Variants in SMURF1 observed in about 807,000 individuals in gnomAD.
SMURF1 encodes SMAD specific E3 ubiquitin protein ligase 1.
A neutral mutation model predicts 98.0 loss-of-function variants in SMURF1; 44 were observed. The observed-to-expected ratio is 0.45, with a 90% confidence interval of 0.35 to 0.58. SMURF1 has a LOEUF of 0.58. Ranked by LOEUF, SMURF1 falls within the 20% of genes least tolerant of loss-of-function variation. SMURF1 has a pLI of 0.00. For missense variants in SMURF1, 687 were observed against 938.4 expected (o/e 0.73, Z 3.50); for synonymous variants, 396 against 374.9 (o/e 1.06, Z -0.65).
chr7:99,060,829 T>C (rs1796017892), intron 2 of SMURF1, 122 bp from the exon 3 acceptor site: 2 of 598,054 alleles, frequency 3.3e-6, no homozygotes, highest in South Asian at 2.9e-5. Flanking sequence ...GTTATGTCTA[T>C]TGAGCTTTCT....
At chr7:99,083,227 A>C (rs549256000) in intron 1 of SMURF1, among the ~76,000 whole-genome samples, 94 of 152,320 alleles carry the variant, frequency 6.2e-4, no homozygotes, top group African/African-American at 2.2e-3. Flanking sequence ...GAGTTATCTC[A>C]ATAAAAATGT....
At chr7:99,048,219 C>G in intron 9 of SMURF1, 1 of 270,768 alleles carries the variant, frequency 3.7e-6, no homozygotes, top group Non-Finnish European at 7.3e-6. Flanking sequence ...GAAACCCGGT[C>G]TCTACTAAAA....
At chr7:99,082,564 T>C (rs1459756791) in intron 1 of SMURF1, among the ~76,000 whole-genome samples, 1 of 152,236 alleles carries the variant, frequency 6.6e-6, no homozygotes, top group Non-Finnish European at 1.5e-5. Flanking sequence ...GTCTATTCTA[T>C]TGACCTCTAT....
At chr7:99,110,808 A>T (rs559214011) in intron 1 of SMURF1, among the ~76,000 whole-genome samples, 2 of 152,374 alleles carry the variant, frequency 1.3e-5, no homozygotes, top group African/African-American at 4.8e-5. Context: ...AAGGCCTGGA[A>T]AAAGCCGAAG....
intron 6 of SMURF1, among the ~76,000 whole-genome samples, chr7:99,053,457 C>T (rs542380325): frequency 2.2e-4 from 33 of 152,130 alleles, no homozygotes; most frequent in Admixed American, 1.4e-3. Flanking sequence ...AATCAAATAC[C>T]GGTGTTCAGA....
chr7:99,140,855 C>A (rs1262287281), intron 1 of SMURF1, among the ~76,000 whole-genome samples: 2 of 151,628 alleles, frequency 1.3e-5, no homozygotes, highest in African/African-American at 4.8e-5. Context: ...CAAAAGTATT[C>A]AAATTTTGAA....
Position 99,030,654 on chromosome 7 carries a change from T to C in SMURF1, c.2126A>G (p.Glu709Gly), listed in dbSNP as rs767580279. 1.2e-6 allele frequency: 2 copies of C among 1,614,074 alleles called. No individual in the cohort carries two copies. Among genetic ancestry groups the C allele is most frequent in the South Asian group, 2.2e-5 (2 of 91,082 alleles). Residue 709 changes from glutamate to glycine, a missense_variant, in exon 18 of 18, where the codon GAG becomes GGG. Physicochemically the swap from Glu to Gly is moderately conservative, Grantham distance 98. Coordinates refer to ENST00000361368, the MANE Select transcript of SMURF1 (RefSeq NM_181349.3). ...CTTCTCGTAGAGCTTCTCATAGGAC[T>C]CATATGGTGGAATGTCGATCCGGTT... ...CFNRIDIPPY[E>G]SYEKLYEKLL...
Position 99,030,458 on chromosome 7 carries a change from G to A in SMURF1, c.*126C>T. 1.3e-6 allele frequency: 1 copy of A among 794,950 alleles called. No individual in the cohort carries two copies. Among genetic ancestry groups the A allele is most frequent in the East Asian group, 2.5e-5 (1 of 40,404 alleles). The allele number at this position is 794,950 out of a possible 1,614,324, so 49.2% of individuals were successfully genotyped here. On this transcript the variant is annotated 3_prime_UTR_variant, in exon 18 of 18. Coordinates refer to ENST00000361368, the MANE Select transcript of SMURF1 (RefSeq NM_181349.3). ...CCCCTCCCCCAACAGAAAGGAGAGAGACAACCCTTTCCCCTCAGGTGATCT... is the reference window on the plus strand; with the variant it reads ...CCCCTCCCCCAACAGAAAGGAGAGAAACAACCCTTTCCCCTCAGGTGATCT...
Position 99,038,630 on chromosome 7 carries a change from A to G in SMURF1, c.1551-105T>C. On this transcript the variant is annotated intron_variant, in intron 13 of 17. Coordinates refer to ENST00000361368, the MANE Select transcript of SMURF1 (RefSeq NM_181349.3). The stretch of plus-strand genomic sequence containing the variant: ...ACTGCCAAACCCGGGGCTGCAAGAC[A>G]GGACAGCCTCGGGCAGACACAGAAC... 3.6e-6 allele frequency: 5 copies of G among 1,396,244 alleles called. No individual in the cohort carries two copies. The East Asian group carries it at 9.4e-5, about 26-fold the overall frequency. The allele number at this position is 1,396,244 out of a possible 1,614,324, so 86.5% of individuals were successfully genotyped here. A position where few individuals can be genotyped will look rare whatever the true frequency, so the allele number is the denominator to read the frequency against.
chr7:99,032,399 T>TG (rs1794935468), intron 17 of SMURF1, among the ~76,000 whole-genome samples: 1 of 152,238 alleles, frequency 6.6e-6, no homozygotes, highest in Admixed American at 6.5e-5. Context: ...CCGGGCTTGG[T>TG]GGCTCACGCC....
intron 11 of SMURF1, among the ~76,000 whole-genome samples, chr7:99,044,845 A>G (rs1795520848): frequency 6.6e-6 from 1 of 152,264 alleles, no homozygotes; most frequent in Non-Finnish European, 1.5e-5. Flanking sequence ...GTTAAGAAGC[A>G]GTTGTCTTAG....
intron 17 of SMURF1, 111 bp from the exon 18 acceptor site, chr7:99,030,794 G>A (rs917060795): frequency 1.5e-6 from 1 of 682,162 alleles, no homozygotes; most frequent in Admixed American, 2.6e-5. Flanking sequence ...GGAATGGGGG[G>A]TGGGGCAGGG....
At chr7:99,143,650 C>T in intron 1 of SMURF1, 76 bp downstream of exon 1, 1 of 1,362,736 alleles carries the variant, frequency 7.3e-7, no homozygotes, top group Non-Finnish European at 9.9e-7. Flanking sequence ...AGGGCCGCTT[C>T]CAAGGGCGCC....
chr7:99,101,865 C>T (rs1242516549), intron 1 of SMURF1, among the ~76,000 whole-genome samples: 3 of 150,034 alleles, frequency 2.0e-5, no homozygotes, highest in East Asian at 3.9e-4. Context: ...AACAGGGAGG[C>T]GGAGGTTGCA....
intron 1 of SMURF1, among the ~76,000 whole-genome samples, chr7:99,133,738 G>C (rs982330382): frequency 2.6e-5 from 4 of 152,130 alleles, no homozygotes; most frequent in African/African-American, 9.7e-5. Flanking sequence ...AGTCTTAAAA[G>C]CCAAAACTAG....
At chr7:99,066,799 A>G (rs985642322) in intron 1 of SMURF1, among the ~76,000 whole-genome samples, 5 of 149,738 alleles carry the variant, frequency 3.3e-5, no homozygotes, top group Non-Finnish European at 5.9e-5. Context: ...AAAAAAAAAA[A>G]GAAAAGAAGA....
intron 1 of SMURF1, among the ~76,000 whole-genome samples, chr7:99,070,423 T>C (rs899661047): frequency 2.0e-5 from 3 of 152,196 alleles, no homozygotes; most frequent in Admixed American, 1.3e-4. Flanking sequence ...GGTGAAGGCA[T>C]CTCTGCTGCA....
intron 3 of SMURF1, among the ~76,000 whole-genome samples, chr7:99,059,037 T>C (rs1795953464): frequency 6.6e-6 from 1 of 152,068 alleles, no homozygotes; most frequent in Non-Finnish European, 1.5e-5. Context: ...TGAGCCAAGA[T>C]TGCGCCACTG....
chr7:99,038,504 T>TACAGGCGTGATG lies in SMURF1; in HGVS notation c.1560_1571dup (p.Ile521_Val524dup). 6.2e-7 allele frequency: 1 copy of TACAGGCGTGATG among 1,614,212 alleles called. No individual in the cohort carries two copies. The highest frequency in any genetic ancestry group is 8.5e-7 in the Non-Finnish European group (1 of 1,180,030). ...GTTCCACGCAGAAGGTGTGGTCCAG[T>TACAGGCGTGATG]ACAGGCGTGATGTCGTTCTCTCTGT... On this transcript the variant is annotated inframe_insertion, in exon 14 of 18. Transcript: ENST00000361368.
Sources: allele counts gnomAD v4.1 joint callset (sites outside exome capture counted in the v4.1 genomes callset), GRCh38; gene constraint gnomAD v4.1.1; transcripts MANE v1.5; gene names NCBI Gene and HGNC (gene_info 2026-07-23, HGNC 2026-07-21).